NBEAL1: variants seen among roughly 807,000 people sequenced by gnomAD.
NBEAL1 encodes neurobeachin like 1, also known as neurobeachin-like protein 1.
NBEAL1 carries 273 observed loss-of-function variants against 351.3 expected under a neutral mutation model. The observed-to-expected ratio is 0.78, with a 90% CI of 0.70 to 0.86. The LOEUF (loss-of-function observed/expected upper bound fraction) is 0.86, where lower values mean the gene tolerates loss of function less well. Ranked by LOEUF, NBEAL1 falls within the 40% of genes least tolerant of loss-of-function variation. The pLI is 0.00. For missense variants in NBEAL1, 2,961 were observed against 3,201.3 expected (o/e 0.92, Z 1.81); for synonymous variants, 1,050 against 1,086.4 (o/e 0.97, Z 0.66).
chr2:203,121,240 G>A (rs1016246981), intron 18 of NBEAL1, among the ~76,000 whole-genome samples: 1 of 151,826 alleles, frequency 6.6e-6, no homozygotes, highest in Non-Finnish European at 1.5e-5. Flanking sequence ...TTAATCACAC[G>A]TTTTATGTGT....
At chr2:203,202,907 CCA>C (rs2065441366) in intron 51 of NBEAL1, 126 bp downstream of exon 51, 1 of 625,012 alleles carries the variant, frequency 1.6e-6, no homozygotes, top group Admixed American at 2.8e-5. Context: ...TTCTTTTTAC[CCA>C]CATTTTGTCC....
chr2:203,201,769 G>A (rs1458178524), intron 50 of NBEAL1, 54 bp downstream of exon 50: 1 of 1,450,788 alleles, frequency 6.9e-7, no homozygotes. Flanking sequence ...TTTTTCTTAA[G>A]TATAAAAGTA....
chr2:203,020,586 G>A (rs1222862709), intron 2 of NBEAL1, among the ~76,000 whole-genome samples: 3 of 151,006 alleles, frequency 2.0e-5, no homozygotes, highest in African/African-American at 4.9e-5. Flanking sequence ...CAGGAGAATC[G>A]CTTGAACTTA....
intron 35 of NBEAL1, among the ~76,000 whole-genome samples, chr2:203,153,445 G>A (rs2063716147): frequency 6.6e-6 from 1 of 151,846 alleles, no homozygotes; most frequent in African/African-American, 2.4e-5. Flanking sequence ...TGGCTGGCCA[G>A]ATCTTATTTT....
At chr2:203,096,381 G>C (rs2062185147) in intron 10 of NBEAL1, among the ~76,000 whole-genome samples, 1 of 151,936 alleles carries the variant, frequency 6.6e-6, no homozygotes, top group Non-Finnish European at 1.5e-5. Flanking sequence ...CATGTAACTC[G>C]ACCTTTTGTT....
chr2:203,141,356 TATTA>T (rs2063363783), intron 31 of NBEAL1, among the ~76,000 whole-genome samples: 2 of 63,532 alleles, frequency 3.1e-5, no homozygotes, highest in African/African-American at 1.2e-4. Context: ...TTATTATTAT[TATTA>T]TTATTATTTT....
rs1043444797 is a variant in NBEAL1 at position 203,135,976 on chromosome 2, A to G, written c.4113A>G (p.Pro1371=). 4.3e-6 allele frequency: 7 copies of G among 1,613,876 alleles called. No homozygotes were observed. The African/African-American group carries it at 5.3e-5, about 12-fold the overall frequency. ...EDRHSLDSNT[P]LFPEDSSVGE... Reference sequence around the variant, plus strand: ...GACACTCTTTAGACTCAAACACACCATTATTTCCAGAAGATAGCTCTGTGG... The same window carrying G: ...GACACTCTTTAGACTCAAACACACCGTTATTTCCAGAAGATAGCTCTGTGG... Residue 1371 remains proline (P), a synonymous_variant, in exon 28 of 56, where the codon CCA becomes CCG. Transcript: ENST00000683969.
At position 203,113,335 on chromosome 2, in the gene NBEAL1, A is replaced by G. The variant is rs1244823236; in HGVS notation, c.2506+17A>G. The G allele has an allele frequency of 7.6e-7, 1 of 1,307,378 alleles. No individual in the cohort carries two copies. Among genetic ancestry groups the G allele is most frequent in the East Asian group, 2.9e-5 (1 of 34,460 alleles). The allele number at this position is 1,307,378 out of a possible 1,614,324, so 81.0% of individuals were successfully genotyped here. On this transcript the variant is annotated intron_variant, in intron 17 of 55. Coordinates refer to ENST00000683969, the MANE Select transcript of NBEAL1 (RefSeq NM_001378026.1). ...ATTTAGCAGGTAAGCATGTACAGTC[A>G]TAATGCTTAAGCAAATTTAGAGTTT...
intron 42 of NBEAL1, among the ~76,000 whole-genome samples, chr2:203,179,408 T>A (rs893194798): frequency 1.3e-5 from 2 of 152,194 alleles, no homozygotes; most frequent in Non-Finnish European, 2.9e-5. Context: ...AGTTTGACAC[T>A]GTAGCACATT....
At chr2:203,175,340 C>T in intron 42 of NBEAL1, 53 bp downstream of exon 42, 1 of 1,576,708 alleles carries the variant, frequency 6.3e-7, no homozygotes, top group South Asian at 1.1e-5. Flanking sequence ...GTGTTGAAAA[C>T]TGTTTGCCTT....
chr2:203,209,377 C>T, intron 53 of NBEAL1, 55 bp downstream of exon 53: 1 of 1,300,072 alleles, frequency 7.7e-7, no homozygotes, highest in South Asian at 1.4e-5. Flanking sequence ...TCTTTCCCTC[C>T]CCACATTATA....
At position 203,149,046 on chromosome 2, in the gene NBEAL1, A is replaced by C; in HGVS notation, c.5360A>C (p.Asn1787Thr). The C allele has an allele frequency of 1.2e-6, 2 of 1,613,000 alleles. No individual in the cohort carries two copies. Among genetic ancestry groups the C allele is most frequent in the Non-Finnish European group, 1.7e-6 (2 of 1,179,286 alleles). ...RKARQENLRYNNMLKQLSSQQ... is the reference protein window; with the variant it reads ...RKARQENLRYTNMLKQLSSQQ... ...GCACGCCAAGAGAACCTGAGGTATA[A>C]TAATATGCTTAAACAACTTAGCAGT... Residue 1787 changes from asparagine to threonine, a missense_variant, in exon 34 of 56, where the codon AAT becomes ACT. Physicochemically the swap from Asn to Thr is moderately conservative, Grantham distance 65. Coordinates refer to ENST00000683969, the MANE Select transcript of NBEAL1 (RefSeq NM_001378026.1).
intron 6 of NBEAL1, among the ~76,000 whole-genome samples, chr2:203,060,864 T>A (rs1199464605): frequency 6.6e-6 from 1 of 152,234 alleles, no homozygotes; most frequent in Admixed American, 6.5e-5. Context: ...TTGAAAACAT[T>A]TCTGTATTTT....
intron 6 of NBEAL1, among the ~76,000 whole-genome samples, chr2:203,058,946 A>G (rs1299936352): frequency 1.3e-5 from 2 of 152,370 alleles, no homozygotes; most frequent in East Asian, 3.9e-4. Context: ...GAAGTGTTTC[A>G]TCACTCTCAA....
chr2:203,095,466 G>A (rs1215435999), intron 10 of NBEAL1, among the ~76,000 whole-genome samples: 3 of 151,864 alleles, frequency 2.0e-5, no homozygotes, highest in Admixed American at 2.0e-4. Flanking sequence ...TGCTAATTTT[G>A]TATTTTTAGT....
intron 24 of NBEAL1, 41 bp downstream of exon 24, chr2:203,127,978 T>A: frequency 6.9e-7 from 1 of 1,439,912 alleles, no homozygotes; most frequent in South Asian, 1.3e-5. Context: ...TTTTTAACAT[T>A]TGAGTTGCTA....
At chr2:203,196,885 T>C (rs1468739284) in intron 47 of NBEAL1, among the ~76,000 whole-genome samples, 2 of 152,230 alleles carry the variant, frequency 1.3e-5, no homozygotes, top group Non-Finnish European at 2.9e-5. Context: ...GAAGTGTTTT[T>C]TAAAAGTTAG....
intron 1 of NBEAL1, 106 bp from the exon 2 acceptor site, chr2:203,016,050 G>T: frequency 5.4e-6 from 1 of 186,212 alleles, no homozygotes; most frequent in Non-Finnish European, 1.1e-5. Flanking sequence ...AAAGTATAGC[G>T]GGTTGTTTGT....
intron 34 of NBEAL1, among the ~76,000 whole-genome samples, chr2:203,149,847 T>G (rs2063604907): frequency 6.6e-6 from 1 of 152,210 alleles, no homozygotes; most frequent in Non-Finnish European, 1.5e-5. Flanking sequence ...GTCTGCCATC[T>G]TTCACTTAGC....
Sources: allele counts gnomAD v4.1 joint callset (sites outside exome capture counted in the v4.1 genomes callset), GRCh38; gene constraint gnomAD v4.1.1; transcripts MANE v1.5; gene names NCBI Gene and HGNC (gene_info 2026-07-23, HGNC 2026-07-21).